The following UBAP1L variants were observed in gnomAD, a reference collection of about 807,000 sequenced individuals.
The protein encoded by UBAP1L is ubiquitin-associated protein 1-like.
Under a neutral mutation model 32.1 loss-of-function variants are expected in UBAP1L, and 32 were observed. The observed-to-expected ratio is 1.00, with a 90% CI of 0.75 to 1.34. The LOEUF is 1.34. Ranked by LOEUF, UBAP1L falls within the 40% of genes most tolerant of loss-of-function variation. The probability of loss-of-function intolerance (pLI) is 0.00; values close to 1 mark genes in which losing one functional copy is unlikely to be tolerated. For missense variants in UBAP1L, 516 were observed against 540.5 expected, an observed-to-expected ratio of 0.95 and a Z score of 0.45; for synonymous variants, 243 against 250.2, an observed-to-expected ratio of 0.97 and a Z score of 0.27.
At chr15:65,097,438 T>C (rs1393649949) in intron 4 of UBAP1L, 1 of 152,268 alleles carries the variant, frequency 6.6e-6, no homozygotes, top group Non-Finnish European at 1.5e-5. Context: ...TGTGGTGCTG[T>C]CCTGGGAGGT....
At chr15:65,110,672 G>T (rs1456961867) in intron 1 of UBAP1L, among the ~76,000 whole-genome samples, 2 of 139,190 alleles carry the variant, frequency 1.4e-5, no homozygotes, top group African/African-American at 2.7e-5. Flanking sequence ...GCGACAGAGT[G>T]AGACTCTGTC....
Position 65,106,175 on chromosome 15 carries a change from C to A in UBAP1L, c.41G>T (p.Gly14Val), listed in dbSNP as rs917887222. 1.9e-6 allele frequency: 3 copies of A among 1,549,206 alleles called. No homozygotes were observed. Among genetic ancestry groups the A allele is most frequent in the African/African-American group, 2.7e-5 (2 of 72,884 alleles). ...GAGAGGCTCTGTGCCTATCACAAAG[C>A]CCTTGGGCAACTTGAAAGGAACACC... Reference protein sequence around the residue: ...LDGVPFKLPKGFVIGTEPLPG... With the variant: ...LDGVPFKLPKVFVIGTEPLPG... Residue 14 changes from glycine to valine, a missense_variant, in exon 2 of 6, where the codon GGC becomes GTC. Coordinates refer to ENST00000559089, the MANE Select transcript of UBAP1L (RefSeq NM_001163692.2).
rs1161380236 is a variant in UBAP1L, at chr15:65,094,670, G to A, written c.910-94C>T. ...AGGCACTCCAAGGGCCTGAGCTGAG[G>A]GCCAGGCAACAGGGCAAGCCACCAC... On this transcript the variant is annotated intron_variant, in intron 4 of 5. Coordinates refer to ENST00000559089, the MANE Select transcript of UBAP1L (RefSeq NM_001163692.2). This position sits in a 1 kb window ranked among gnomAD's most constrained non-coding sequence, Gnocchi z 4.2. 3.1e-6 allele frequency: 3 copies of A among 954,842 alleles called. No homozygotes were observed. In the African/African-American group the frequency reaches 4.9e-5, roughly 15 times the overall value. The allele number at this position is 954,842 out of a possible 1,614,324, so 59.1% of individuals were successfully genotyped here. A position where few individuals can be genotyped will look rare whatever the true frequency, so the allele number is the denominator to read the frequency against.
At chr15:65,107,153 A>G (rs762236782) in intron 1 of UBAP1L, among the ~76,000 whole-genome samples, 2 of 152,110 alleles carry the variant, frequency 1.3e-5, no homozygotes, top group Non-Finnish European at 2.9e-5. Context: ...GAAAAATTAT[A>G]TAATTATATA....
chr15:65,102,403 C>A lies in UBAP1L; in HGVS notation c.402G>T (p.Ala134=). ...APSSLQPGSP[A]SPGPGRRLCS... ...ACAGGCGACGGCCGGGGCCGGGGCT[C>A]GCCGGGGAGCCCGGTTGGAGGCTGC... Residue 134 remains alanine, a synonymous_variant, in exon 3 of 6, where the codon GCG becomes GCT. Coordinates refer to ENST00000559089, the MANE Select transcript of UBAP1L (RefSeq NM_001163692.2). The surrounding 1 kb of genome is among the most constrained non-coding windows in gnomAD (Gnocchi z 5.0). 1 of 1,430,214 alleles carries A rather than the reference C, an allele frequency of 7.0e-7. No homozygotes were observed. Among genetic ancestry groups the A allele is most frequent in the Non-Finnish European group, 9.1e-7 (1 of 1,098,020 alleles). The allele number at this position is 1,430,214 out of a possible 1,614,324, so 88.6% of individuals were successfully genotyped here.
At chr15:65,105,825 T>C in intron 2 of UBAP1L, 1 of 704,232 alleles carries the variant, frequency 1.4e-6, no homozygotes, top group South Asian at 1.4e-5. Context: ...GAAGTCTCAC[T>C]CTGTCGCCAG....
At chr15:65,106,425 T>A (rs1041126145) in intron 1 of UBAP1L, 37 bp from the exon 2 acceptor site, 1 of 485,886 alleles carries the variant, frequency 2.1e-6, no homozygotes, top group Non-Finnish European at 3.5e-6. Context: ...AACAAGAGCA[T>A]TCACACGGAC....
chr15:65,103,761 G>C (rs2087271171), intron 2 of UBAP1L, among the ~76,000 whole-genome samples: 2 of 152,160 alleles, frequency 1.3e-5, no homozygotes, highest in African/African-American at 4.8e-5. Context: ...TAAATGGTTA[G>C]AGAAAGAGAT....
chr15:65,111,641 C>T (rs1472314603), intron 1 of UBAP1L, among the ~76,000 whole-genome samples: 3 of 151,992 alleles, frequency 2.0e-5, no homozygotes, highest in South Asian at 2.1e-4. Context: ...CCCACCACCA[C>T]GCCTGGCTAA....
intron 1 of UBAP1L, among the ~76,000 whole-genome samples, chr15:65,110,644 CACTGCACTCCAGCCTGGGCGACAG>C (rs1245547178): frequency 6.9e-6 from 1 of 145,222 alleles, no homozygotes; most frequent in Non-Finnish European, 1.5e-5. Context: ...GAGATGGCAC[CACTGCACTCCAGCCTGGGCGACAG>C]AGTGAGACTC....
chr15:65,112,729 A>C (rs1468602128), intron 1 of UBAP1L, among the ~76,000 whole-genome samples: 1 of 152,088 alleles, frequency 6.6e-6, no homozygotes, highest in African/African-American at 2.4e-5. Flanking sequence ...GTGTCTCAAG[A>C]CTTCTCAAAC....
intron 2 of UBAP1L, chr15:65,105,838 T>A: frequency 1.4e-6 from 1 of 693,356 alleles, no homozygotes; most frequent in Admixed American, 2.0e-5. Flanking sequence ...GTCGCCAGGC[T>A]GAAATGCAGT....
chr15:65,112,547 T>C (rs534549147), intron 1 of UBAP1L, among the ~76,000 whole-genome samples: 28 of 152,174 alleles, frequency 1.8e-4, no homozygotes, highest in Non-Finnish European at 3.5e-4. Context: ...GTGGCACTGA[T>C]TGATTTAAGT....
intron 4 of UBAP1L, chr15:65,096,004 C>G (rs1229083825): frequency 1.3e-5 from 2 of 152,156 alleles, no homozygotes; most frequent in African/African-American, 4.8e-5. Flanking sequence ...GGTGCCTTGT[C>G]CGGGGTCCCA....
chr15:65,113,937 A>T (rs2087385942), intron 1 of UBAP1L, among the ~76,000 whole-genome samples: 1 of 152,064 alleles, frequency 6.6e-6, no homozygotes, highest in Admixed American at 6.6e-5. Context: ...CCCAGGCTAG[A>T]GTGCAGTGGC....
At position 65,094,844 on chromosome 15, in the gene UBAP1L, G is replaced by T; in HGVS notation, c.910-268C>A. 1 of 517,474 alleles carries T rather than the reference G, an allele frequency of 1.9e-6. No individual in the cohort carries two copies. Among genetic ancestry groups the T allele is most frequent in the Non-Finnish European group, 3.5e-6 (1 of 284,118 alleles). 32.1% of individuals were successfully genotyped at this position (517,474 alleles called of 1,614,324 possible). Reference sequence around the variant, plus strand: ...GGAAAAGGGCTGTCAGGGTGGGCTAGGGTGTTCATAGAACCTAGGTGGGGA... The same window carrying T: ...GGAAAAGGGCTGTCAGGGTGGGCTATGGTGTTCATAGAACCTAGGTGGGGA... On this transcript the variant is annotated intron_variant, in intron 4 of 5. Coordinates refer to ENST00000559089, the MANE Select transcript of UBAP1L (RefSeq NM_001163692.2). This position sits in a 1 kb window ranked among gnomAD's most constrained non-coding sequence, Gnocchi z 4.2.
At chr15:65,105,319 A>T (rs1208052564) in intron 2 of UBAP1L, among the ~76,000 whole-genome samples, 1 of 151,866 alleles carries the variant, frequency 6.6e-6, no homozygotes, top group African/African-American at 2.4e-5. Context: ...TCTACAAAGA[A>T]ATATAAAAAA....
chr15:65,093,331 A>C, intron 5 of UBAP1L, 100 bp from the exon 6 acceptor site: 1 of 1,385,816 alleles, frequency 7.2e-7, no homozygotes, highest in Non-Finnish European at 9.4e-7. Context: ...TAGTCCCAAA[A>C]AGCTGTGGCT....
intron 1 of UBAP1L, among the ~76,000 whole-genome samples, chr15:65,109,473 A>G (rs2140570483): frequency 8.0e-6 from 1 of 125,244 alleles, no homozygotes; most frequent in Admixed American, 8.5e-5. Context: ...ACAGAGCGAG[A>G]ATCTGTCTCA....
Sources: allele counts gnomAD v4.1 joint callset (sites outside exome capture counted in the v4.1 genomes callset), GRCh38; gene constraint gnomAD v4.1.1; non-coding constraint Gnocchi (gnomAD v3.1); transcripts MANE v1.5; gene names NCBI Gene and HGNC (gene_info 2026-07-23, HGNC 2026-07-21).